CSNK1A1: variants seen among roughly 807,000 people sequenced by gnomAD.
CSNK1A1 encodes the protein casein kinase I isoform alpha.
In CSNK1A1, 7 loss-of-function variants were observed where a neutral mutation model predicts 46.1. That is an observed-to-expected ratio of 0.15 (90% CI 0.09 to 0.29). The LOEUF (loss-of-function observed/expected upper bound fraction) is 0.29. Among genes scored for constraint, CSNK1A1 ranks in the 10% least tolerant of loss-of-function variants. The pLI, the probability that CSNK1A1 is intolerant of heterozygous loss-of-function variation, is 1.00. For synonymous variants in CSNK1A1, 137 were observed against 141.5 expected (o/e 0.97, Z 0.23); for missense variants, 96 against 417.1 (o/e 0.23, Z 6.71).
rs929921059 is a variant in CSNK1A1, at chr5:149,538,027, T to G, written c.230+12048A>C. On this transcript the variant is annotated intron_variant, in intron 2 of 9. Transcript: ENST00000377843. ...GAAGTGTGCCCAGTTTTTTTTTTTTTTTTTTTTTTTTTGAGACGGAGTTTC... is the reference window on the plus strand; with the variant it reads ...GAAGTGTGCCCAGTTTTTTTTTTTTGTTTTTTTTTTTTGAGACGGAGTTTC... Among the ~76,000 whole-genome samples, 6 of 140,976 alleles carry G rather than the reference T, an allele frequency of 4.3e-5. No homozygotes were observed. In the South Asian group the frequency reaches 7.0e-4, roughly 16 times the overall value. The allele number at this position is 140,976 out of a possible 152,430, so 92.5% of individuals were successfully genotyped here.
intron 4 of CSNK1A1, among the ~76,000 whole-genome samples, chr5:149,516,920 T>G (rs1432600977): frequency 6.6e-6 from 1 of 152,212 alleles, no homozygotes; most frequent in East Asian, 1.9e-4. Flanking sequence ...TTTTTTGTTT[T>G]TTGATTATTC....
intron 2 of CSNK1A1, among the ~76,000 whole-genome samples, chr5:149,533,193 T>C (rs1293711569): frequency 1.3e-5 from 2 of 152,246 alleles, no homozygotes; most frequent in Non-Finnish European, 2.9e-5. Context: ...CTGTTCATTA[T>C]CAAAGTTACT....
At chr5:149,540,438 G>A (rs542345905) in intron 2 of CSNK1A1, among the ~76,000 whole-genome samples, 1 of 152,078 alleles carries the variant, frequency 6.6e-6, no homozygotes, top group Non-Finnish European at 1.5e-5. Context: ...AGGAGAGCAA[G>A]GTAAAGATCT....
At chr5:149,549,931 G>C (rs1009595999) in intron 2 of CSNK1A1, 144 bp downstream of exon 2, 4 of 847,682 alleles carry the variant, frequency 4.7e-6, no homozygotes, top group Non-Finnish European at 7.1e-6. Flanking sequence ...TGAGATGACT[G>C]ACTTACAGGA....
intron 2 of CSNK1A1, among the ~76,000 whole-genome samples, chr5:149,526,932 C>T (rs901969229): frequency 3.3e-5 from 5 of 152,192 alleles, no homozygotes; most frequent in African/African-American, 4.8e-5. Context: ...CTTCCTACGA[C>T]TTTTGCTTCA....
intron 2 of CSNK1A1, chr5:149,545,952 G>A (rs375767125): frequency 1.0e-4 from 21 of 207,760 alleles, no homozygotes; most frequent in African/African-American, 1.9e-4. Context: ...GCAGTGGCAC[G>A]ATCTTGGCTC....
At chr5:149,532,286 A>G (rs543110454) in intron 2 of CSNK1A1, among the ~76,000 whole-genome samples, 7 of 152,178 alleles carry the variant, frequency 4.6e-5, no homozygotes, top group Admixed American at 1.3e-4. Context: ...TGCAACAATA[A>G]TGTGATATAA....
chr5:149,542,617 T>TAC (rs1762290065), intron 2 of CSNK1A1, among the ~76,000 whole-genome samples: 1 of 11,810 alleles, frequency 8.5e-5, no homozygotes, highest in African/African-American at 6.3e-4. Flanking sequence ...TATATATATA[T>TAC]ATATATATAT....
chr5:149,542,290 C>T (rs1245794592), intron 2 of CSNK1A1, among the ~76,000 whole-genome samples: 1 of 151,936 alleles, frequency 6.6e-6, no homozygotes, highest in Admixed American at 6.6e-5. Context: ...CAGGTAGTTG[C>T]AGGAAAGCAA....
chr5:149,521,389 C>G (rs1345341185), intron 3 of CSNK1A1, among the ~76,000 whole-genome samples: 2 of 151,644 alleles, frequency 1.3e-5, no homozygotes, highest in African/African-American at 4.8e-5. Context: ...CACACTTCAC[C>G]CTCTGGAGTA....
intron 2 of CSNK1A1, among the ~76,000 whole-genome samples, chr5:149,532,242 G>A (rs1413473846): frequency 6.6e-6 from 1 of 152,096 alleles, no homozygotes; most frequent in African/African-American, 2.4e-5. Context: ...TAATTTTGAT[G>A]TAGTAATGAG....
intron 2 of CSNK1A1, among the ~76,000 whole-genome samples, chr5:149,533,300 T>C (rs904654357): frequency 1.4e-5 from 2 of 138,918 alleles, no homozygotes; most frequent in Admixed American, 1.6e-4. Context: ...ATAAACACCA[T>C]GATGAAGGAG....
intron 2 of CSNK1A1, among the ~76,000 whole-genome samples, chr5:149,542,678 A>ATATATATATATATATATATG: frequency 9.0e-5 from 1 of 11,150 alleles, no homozygotes; most frequent in East Asian, 3.4e-3. Flanking sequence ...ATATGTATAT[A>ATATATATATATATATATATG]TATATATATA....
chr5:149,508,128 G>A (rs1191797737), intron 7 of CSNK1A1, among the ~76,000 whole-genome samples: 1 of 152,146 alleles, frequency 6.6e-6, no homozygotes, highest in Non-Finnish European at 1.5e-5. Context: ...CCTTATGATT[G>A]TAGAGTTAAA....
Position 149,503,270 on chromosome 5 carries a change from C to T in CSNK1A1, c.1006+2177G>A, listed in dbSNP as rs941113617. On this transcript the variant is annotated intron_variant, in intron 9 of 9. Coordinates refer to ENST00000377843, the MANE Select transcript of CSNK1A1 (RefSeq NM_001892.6). ...TATGTTCCTCATGCTTATTTCATGC[C>T]TAAGGCCCGAAGGCCAGCTACATTT... The T allele has an allele frequency of 6.1e-6, 6 of 985,276 alleles. No individual in the cohort carries two copies. The African/African-American group carries it at 1.0e-4, about 17-fold the overall frequency. 61.0% of individuals were successfully genotyped at this position (985,276 alleles called of 1,614,324 possible).
intron 9 of CSNK1A1, chr5:149,500,916 T>C (rs1210433492): frequency 1.1e-6 from 1 of 927,602 alleles, no homozygotes; most frequent in Non-Finnish European, 1.3e-6. Flanking sequence ...GTATACACTA[T>C]TCCTAAACTG....
intron 5 of CSNK1A1, 94 bp downstream of exon 5, chr5:149,512,976 C>T: frequency 7.1e-7 from 1 of 1,410,638 alleles, no homozygotes; most frequent in Non-Finnish European, 9.7e-7. Context: ...AGCCAAGAAA[C>T]ATCCTTAGAC....
chr5:149,509,712 T>C (rs2113081332), intron 7 of CSNK1A1, among the ~76,000 whole-genome samples, 167 bp downstream of exon 7: 1 of 152,332 alleles, frequency 6.6e-6, no homozygotes, highest in South Asian at 2.1e-4. Flanking sequence ...CCGGATCATT[T>C]ATCTATTAAG....
intron 2 of CSNK1A1, among the ~76,000 whole-genome samples, chr5:149,540,383 C>T (rs1762191527): frequency 6.6e-6 from 1 of 152,064 alleles, no homozygotes; most frequent in South Asian, 2.1e-4. Context: ...TAACATACCC[C>T]ACTGCTCACA....
Sources: gnomAD v4.1 joint callset for allele counts (sites outside exome capture counted in the v4.1 genomes callset) on GRCh38, gnomAD v4.1.1 for gene constraint, MANE v1.5 for transcripts, NCBI Gene and HGNC (gene_info 2026-07-23, HGNC 2026-07-21) for gene names.